DLG1: variants seen among roughly 807,000 people sequenced by gnomAD.
DLG1 encodes disks large homolog 1.
DLG1 carries 42 observed loss-of-function variants against 123.4 expected under a neutral mutation model. The observed-to-expected ratio is 0.34, with a 90% CI of 0.27 to 0.44. The LOEUF (loss-of-function observed/expected upper bound fraction) is 0.44, where lower values mean the gene tolerates loss of function less well. Among genes scored for constraint, DLG1 ranks in the 20% least tolerant of loss-of-function variants. DLG1 has a pLI of 1.00. For missense variants in DLG1, 942 were observed against 1,082.6 expected (o/e 0.87, Z 1.82); for synonymous variants, 317 against 356.2 (o/e 0.89, Z 1.24).
intron 4 of DLG1, among the ~76,000 whole-genome samples, chr3:197,245,607 T>C (rs1751237522): frequency 6.6e-6 from 1 of 152,300 alleles, no homozygotes; most frequent in East Asian, 1.9e-4. Context: ...TTTCTTGATG[T>C]AGCTGAGACA....
At chr3:197,054,333 T>TTC (rs1560342414) in intron 23 of DLG1, among the ~76,000 whole-genome samples, 1 of 13,982 alleles carries the variant, frequency 7.2e-5, no homozygotes, top group Non-Finnish European at 1.4e-4. Context: ...CTCTCTGCCT[T>TTC]CTCTCTATTC....
chr3:197,173,726 T>C (rs576987355), intron 5 of DLG1, among the ~76,000 whole-genome samples: 1 of 152,262 alleles, frequency 6.6e-6, no homozygotes, highest in African/African-American at 2.4e-5. Context: ...GCAGTAATTG[T>C]TGCAACTATC....
At chr3:197,059,800 G>T in intron 23 of DLG1, 89 bp downstream of exon 23, 1 of 811,076 alleles carries the variant, frequency 1.2e-6, no homozygotes, top group Non-Finnish European at 2.0e-6. Flanking sequence ...CAATTTTATA[G>T]ATAAACTGAG....
At chr3:197,091,660 A>C (rs937361321) in intron 14 of DLG1, among the ~76,000 whole-genome samples, 2 of 152,118 alleles carry the variant, frequency 1.3e-5, no homozygotes, top group Non-Finnish European at 2.9e-5. Flanking sequence ...TATGATTTTG[A>C]AAATGGACAA....
chr3:197,234,494 AATG>A (rs1744911658), intron 4 of DLG1, among the ~76,000 whole-genome samples: 1 of 152,232 alleles, frequency 6.6e-6, no homozygotes, highest in Admixed American at 6.5e-5. Flanking sequence ...TCTCTAAATA[AATG>A]ATGATATATT....
intron 5 of DLG1, among the ~76,000 whole-genome samples, chr3:197,155,853 G>A (rs1796182460): frequency 6.6e-6 from 1 of 152,154 alleles, no homozygotes; most frequent in Non-Finnish European, 1.5e-5. Context: ...GGAGACTGAG[G>A]CGGGAGAATC....
At chr3:197,278,608 A>T (rs988174936) in intron 4 of DLG1, among the ~76,000 whole-genome samples, 13 of 152,242 alleles carry the variant, frequency 8.5e-5, no homozygotes, top group East Asian at 1.9e-4. Flanking sequence ...TACAAAAAAA[A>T]TTTTTTTAAG....
intron 17 of DLG1, among the ~76,000 whole-genome samples, chr3:197,077,335 C>T (rs1747940960): frequency 6.6e-6 from 1 of 151,980 alleles, no homozygotes; most frequent in Non-Finnish European, 1.5e-5. Flanking sequence ...AAAGGTCCAT[C>T]AAGCACACAG....
rs867800052 is a variant in DLG1 at position 197,214,440 on chromosome 3, G to A, written c.319-19851C>T. Among the ~76,000 whole-genome samples the A allele has an allele frequency of 3.9e-5, 6 of 152,096 alleles. No individual in the cohort carries two copies. In the South Asian group the frequency reaches 1.2e-3, roughly 32 times the overall value. On this transcript the variant is annotated intron_variant, in intron 4 of 24. Coordinates refer to ENST00000667157, the MANE Select transcript of DLG1 (RefSeq NM_001366207.1). ...ACACAAAAAGTAGCCGGGCGTGGTG[G>A]TGGGCGCCTGTAGTCCCAGCTACTC...
At chr3:197,073,366 T>G (rs1047333679) in intron 18 of DLG1, among the ~76,000 whole-genome samples, 2 of 152,208 alleles carry the variant, frequency 1.3e-5, no homozygotes, top group Admixed American at 1.3e-4. Context: ...TCAAATCTTA[T>G]GTCATAATTT....
intron 3 of DLG1, among the ~76,000 whole-genome samples, chr3:197,288,789 T>A (rs1773376103): frequency 7.3e-6 from 1 of 136,154 alleles, no homozygotes; most frequent in Admixed American, 7.4e-5. Flanking sequence ...GGTAGAAATC[T>A]ACTGACATGG....
intron 7 of DLG1, among the ~76,000 whole-genome samples, chr3:197,141,577 T>C (rs1453255964): frequency 6.6e-6 from 1 of 152,180 alleles, no homozygotes; most frequent in African/African-American, 2.4e-5. Context: ...TATAAATAAA[T>C]CTAATTATCT....
At chr3:197,053,234 T>G (rs2148731626) in intron 23 of DLG1, among the ~76,000 whole-genome samples, 1 of 152,316 alleles carries the variant, frequency 6.6e-6, no homozygotes, top group South Asian at 2.1e-4. Flanking sequence ...GCTTTGATAT[T>G]TTGTAGAGTT....
intron 13 of DLG1, among the ~76,000 whole-genome samples, chr3:197,107,800 T>C (rs1767448032): frequency 6.7e-6 from 1 of 148,180 alleles, no homozygotes; most frequent in Non-Finnish European, 1.5e-5. Context: ...TTTATTCTGG[T>C]AGCCTTTTTT....
intron 4 of DLG1, among the ~76,000 whole-genome samples, chr3:197,229,054 G>A (rs773387684): frequency 6.6e-6 from 1 of 152,108 alleles, no homozygotes; most frequent in Non-Finnish European, 1.5e-5. Flanking sequence ...CTGCCCAATC[G>A]AGGAAAAGAG....
chr3:197,207,493 T>A (rs560822557), intron 4 of DLG1, among the ~76,000 whole-genome samples: 2 of 152,312 alleles, frequency 1.3e-5, no homozygotes, highest in African/African-American at 4.8e-5. Flanking sequence ...ACAGAAAATT[T>A]ATTCATTTAT....
rs894353303 is a variant in DLG1, at chr3:197,042,859, T to C, written c.*1764A>G. 2 of 150,692 alleles carry C rather than the reference T, an allele frequency of 1.3e-5. No individual in the cohort carries two copies. The highest frequency in any genetic ancestry group is 2.9e-5 in the Non-Finnish European group (2 of 67,834). The allele number at this position is 150,692 out of a possible 1,614,324, so 9.3% of individuals were successfully genotyped here. On this transcript the variant is annotated 3_prime_UTR_variant, in exon 25 of 25. Coordinates refer to ENST00000667157, the MANE Select transcript of DLG1 (RefSeq NM_001366207.1). ...GTTATAAGTTACATGATGCCTCAAA[T>C]TGTTTCAAGAAAATGTTAGCTTGCA...
rs2149433467 is a variant in DLG1, at chr3:197,119,476, G to A, written c.1220C>T (p.Thr407Ile). Reference protein sequence around the residue: ...HVSPSSFLGQTPASPARYSPV... With the variant: ...HVSPSSFLGQIPASPARYSPV... ...GGAGTATCTGGCTGGAGATGCTGGT[G>A]TCTGGCCCAAGAAGGAAGATGGGCT... The change falls in exon 12 of 25, where the codon ACA becomes ATA. Residue 407 changes from threonine to isoleucine, a missense_variant. Transcript: ENST00000667157. 2 of 1,611,936 alleles carry A rather than the reference G, an allele frequency of 1.2e-6. No homozygotes were observed. The highest frequency in any genetic ancestry group is 1.3e-5 in the African/African-American group (1 of 74,980).
intron 4 of DLG1, among the ~76,000 whole-genome samples, chr3:197,271,218 G>A (rs922695673): frequency 2.6e-5 from 4 of 152,136 alleles, no homozygotes; most frequent in African/African-American, 9.7e-5. Context: ...GGGCTTTCCT[G>A]ATAAATCACC....
Sources: allele counts gnomAD v4.1 joint callset (sites outside exome capture counted in the v4.1 genomes callset), GRCh38; gene constraint gnomAD v4.1.1; transcripts MANE v1.5; gene names NCBI Gene and HGNC (gene_info 2026-07-23, HGNC 2026-07-21).